The following ZFPM1 variants were observed in gnomAD, a reference collection of about 807,000 sequenced individuals.
The protein encoded by ZFPM1 is zinc finger protein ZFPM1.
In ZFPM1, 28 loss-of-function variants were observed where a neutral mutation model predicts 46.3. The observed-to-expected ratio is 0.60, with a 90% CI of 0.45 to 0.83. The LOEUF (loss-of-function observed/expected upper bound fraction) is 0.83. Ranked by LOEUF, ZFPM1 falls within the 40% of genes least tolerant of loss-of-function variation. The pLI is 0.00. For missense variants in ZFPM1, 1,878 were observed against 1,432.4 expected (o/e 1.31, Z -5.02); for synonymous variants, 957 against 675.9 (o/e 1.42, Z -6.45).
At position 88,532,611 on chromosome 16, in the gene ZFPM1, C is replaced by A; in HGVS notation, c.947-3C>A. 6.4e-7 allele frequency: 1 copy of A among 1,562,046 alleles called. No homozygotes were observed. Among genetic ancestry groups the A allele is most frequent in the Non-Finnish European group, 8.7e-7 (1 of 1,152,918 alleles). On this transcript the variant is annotated splice_polypyrimidine_tract_variant and splice_region_variant and intron_variant, in intron 7 of 9. Coordinates refer to ENST00000319555, the MANE Select transcript of ZFPM1 (RefSeq NM_153813.3). Reference sequence around the variant, plus strand: ...CACCGCTCTTACGCGCCCTGTGTTCCAGGAGAGCGGCCCTTCGTGTGCCTG... The same window carrying A: ...CACCGCTCTTACGCGCCCTGTGTTCAAGGAGAGCGGCCCTTCGTGTGCCTG...
chr16:88,454,848 A>G (rs1416998177), intron 1 of ZFPM1, among the ~76,000 whole-genome samples: 1 of 152,076 alleles, frequency 6.6e-6, no homozygotes, highest in East Asian at 1.9e-4. Context: ...GCCCAGCCGT[A>G]GGCGCCCGGG....
chr16:88,508,694 CAG>C (rs1359256898), intron 3 of ZFPM1, among the ~76,000 whole-genome samples: 2 of 152,232 alleles, frequency 1.3e-5, no homozygotes, highest in Non-Finnish European at 2.9e-5. Flanking sequence ...AGAGGGGACA[CAG>C]AGTTTGCGCG....
chr16:88,517,160 AGGTGGACGGATGGATGGGTAGATG>A (rs1211162330), intron 4 of ZFPM1, among the ~76,000 whole-genome samples: 1 of 130,362 alleles, frequency 7.7e-6, no homozygotes, highest in Non-Finnish European at 1.6e-5. Context: ...GTGGATGGGT[AGGTGGACGGATGGATGGGTAGATG>A]GATGGATGGA....
intron 6 of ZFPM1, among the ~76,000 whole-genome samples, chr16:88,528,938 T>A (rs1912561140): frequency 6.6e-6 from 1 of 152,190 alleles, no homozygotes; most frequent in Non-Finnish European, 1.5e-5. Context: ...GATGCCACTC[T>A]TGCAGTGGCT....
At position 88,532,716 on chromosome 16, in the gene ZFPM1, A is replaced by T. The variant is rs1366122939; in HGVS notation, c.1042+7A>T. ...CACACGGACACGCTGAGCGGTAGGC[A>T]CCGCAGGGGCCGGGGGGTGTGTGGG... On this transcript the variant is annotated splice_region_variant and intron_variant, in intron 8 of 9. Coordinates refer to ENST00000319555, the MANE Select transcript of ZFPM1 (RefSeq NM_153813.3). 6.2e-6 allele frequency: 10 copies of T among 1,611,922 alleles called. No individual in the cohort carries two copies. Among genetic ancestry groups the T allele is most frequent in the Non-Finnish European group, 8.5e-6 (10 of 1,179,440 alleles).
intron 1 of ZFPM1, 98 bp from the exon 2 acceptor site, chr16:88,485,841 G>A (rs576423602): frequency 1.9e-5 from 22 of 1,157,544 alleles, no homozygotes; most frequent in Admixed American, 6.0e-5. Flanking sequence ...TGCCATTTCC[G>A]CCTGGGCACC....
At chr16:88,464,031 T>A (rs1346912010) in intron 1 of ZFPM1, among the ~76,000 whole-genome samples, 3 of 152,216 alleles carry the variant, frequency 2.0e-5, no homozygotes, top group Admixed American at 6.5e-5. Flanking sequence ...CAGGAGCCCT[T>A]GATCGAGGTG....
chr16:88,493,632 C>T (rs146346216), intron 3 of ZFPM1, among the ~76,000 whole-genome samples: 2,486 of 106,108 alleles, frequency 0.023, 41 homozygotes, highest in Middle Eastern at 0.062. Context: ...GAGAGCTGTC[C>T]CGGGGTGCGG....
Position 88,534,308 on chromosome 16 carries a change from G to A in ZFPM1, c.2350G>A (p.Ala784Thr). Residue 784 changes from alanine to threonine, a missense_variant, in exon 10 of 10, where the codon GCG becomes ACG. Transcript: ENST00000319555. ...CGGAAGCGGCCCCGGCCTCGCCCCT[G>A]CGCGCTCGCCCGGCCCCGCGGCCGA... The part of the protein sequence containing the change: ...GSGSGPGLAP[A>T]RSPGPAADGP... The A allele has an allele frequency of 7.7e-7, 1 of 1,301,306 alleles. No individual in the cohort carries two copies. Among genetic ancestry groups the A allele is most frequent in the African/African-American group, 1.6e-5 (1 of 62,910 alleles). The allele number at this position is 1,301,306 out of a possible 1,614,324, so 80.6% of individuals were successfully genotyped here. A position where few individuals can be genotyped will look rare whatever the true frequency, so the allele number is the denominator to read the frequency against.
At chr16:88,490,517 A>C (rs1909505283) in intron 3 of ZFPM1, among the ~76,000 whole-genome samples, 1 of 152,198 alleles carries the variant, frequency 6.6e-6, no homozygotes, top group South Asian at 2.1e-4. Flanking sequence ...GGCTTCGCTG[A>C]GGCAGAGGGA....
In ZFPM1 at chr16:88,475,869, C is replaced by T. The variant is rs182331897; in HGVS notation, c.41-10070C>T. On this transcript the variant is annotated intron_variant, in intron 1 of 9. Transcript: ENST00000319555. ...CTGGGCCTACCCTCGGCCCCCTGGA[C>T]GGCTGCTCAGCCTGGACACCATTCG... 2.5e-4 allele frequency among the ~76,000 whole-genome samples: 38 copies of T among 152,328 alleles called. No individual in the cohort carries two copies. In the East Asian group the frequency reaches 3.5e-3, roughly 14 times the overall value.
intron 1 of ZFPM1, among the ~76,000 whole-genome samples, chr16:88,485,706 C>CT (rs1909182849): frequency 6.6e-6 from 1 of 152,184 alleles, no homozygotes. Context: ...TCCCAAACTG[C>CT]TGGGATCACA....
intron 1 of ZFPM1, among the ~76,000 whole-genome samples, chr16:88,467,522 C>T (rs566701693): frequency 6.6e-6 from 1 of 152,350 alleles, no homozygotes; most frequent in African/African-American, 2.4e-5. Flanking sequence ...GGGTGCCAGT[C>T]GCCCTCTCAG....
chr16:88,528,961 C>G (rs751668631), intron 6 of ZFPM1, among the ~76,000 whole-genome samples: 1 of 152,192 alleles, frequency 6.6e-6, no homozygotes, highest in Non-Finnish European at 1.5e-5. Context: ...CTCGGAAACT[C>G]TGAGGGTGGC....
At chr16:88,510,737 C>T (rs190004516) in intron 3 of ZFPM1, among the ~76,000 whole-genome samples, 7 of 152,318 alleles carry the variant, frequency 4.6e-5, no homozygotes, top group East Asian at 1.9e-4. Context: ...GGCCACCAGC[C>T]GCTGCCTCCC....
chr16:88,504,270 G>A (rs1567542746), intron 3 of ZFPM1, among the ~76,000 whole-genome samples: 1 of 152,120 alleles, frequency 6.6e-6, no homozygotes, highest in Non-Finnish European at 1.5e-5. Context: ...AATATGTTCT[G>A]TGCAAACAGC....
At chr16:88,465,629 C>T (rs1048887680) in intron 1 of ZFPM1, among the ~76,000 whole-genome samples, 4 of 152,184 alleles carry the variant, frequency 2.6e-5, no homozygotes, top group African/African-American at 9.7e-5. Context: ...CAGGCAGAGT[C>T]CCATTGGCCA....
intron 1 of ZFPM1, among the ~76,000 whole-genome samples, chr16:88,467,934 C>G (rs1219327308): frequency 1.3e-5 from 2 of 152,118 alleles, no homozygotes; most frequent in Non-Finnish European, 2.9e-5. Flanking sequence ...GCCCCCCTTC[C>G]CCTTATCTCA....
chr16:88,514,641 G>C, intron 4 of ZFPM1, 121 bp downstream of exon 4: 1 of 1,288,850 alleles, frequency 7.8e-7, no homozygotes, highest in African/African-American at 1.5e-5. Flanking sequence ...ATGTGGGCCT[G>C]AGATATTGGG....
Sources: allele counts gnomAD v4.1 joint callset (sites outside exome capture counted in the v4.1 genomes callset), GRCh38; gene constraint gnomAD v4.1.1; transcripts MANE v1.5; gene names NCBI Gene and HGNC (gene_info 2026-07-23, HGNC 2026-07-21).